ETV6: variants seen among roughly 807,000 people sequenced by gnomAD.
ETV6 encodes transcription factor ETV6.
In ETV6, 16 loss-of-function variants were observed where a neutral mutation model predicts 51.1. The ratio of observed to expected loss-of-function variants is 0.31; its 90% CI spans 0.21 to 0.48. The LOEUF (loss-of-function observed/expected upper bound fraction) is 0.48, where lower values mean the gene tolerates loss of function less well. ETV6 is among the 20% of genes least tolerant of loss of function. The pLI is 0.99. For synonymous variants in ETV6, 240 were observed against 224.1 expected (o/e 1.07, Z -0.64); for missense variants, 458 against 594.8 (o/e 0.77, Z 2.39).
intron 4 of ETV6, among the ~76,000 whole-genome samples, chr12:11,864,835 C>G (rs941842322): frequency 7.2e-5 from 11 of 152,230 alleles, no homozygotes; most frequent in African/African-American, 2.6e-4. Context: ...CACCATGTAC[C>G]CATCACCAGT....
At chr12:11,882,818 G>T (rs957775003) in intron 5 of ETV6, among the ~76,000 whole-genome samples, 2 of 152,342 alleles carry the variant, frequency 1.3e-5, no homozygotes, top group South Asian at 4.1e-4. Context: ...CAATGCGGAT[G>T]TGTTGGCTGT....
chr12:11,695,168 G>C (rs916524579), intron 1 of ETV6, among the ~76,000 whole-genome samples: 2 of 152,104 alleles, frequency 1.3e-5, no homozygotes, highest in African/African-American at 4.8e-5. Context: ...AAATTCATAT[G>C]ACCCCTTAGA....
intron 1 of ETV6, among the ~76,000 whole-genome samples, chr12:11,698,141 G>A (rs1230456625): frequency 6.6e-6 from 1 of 152,074 alleles, no homozygotes; most frequent in African/African-American, 2.4e-5. Flanking sequence ...TTAGTTTCCT[G>A]TCCTTCCCTG....
chr12:11,672,547 A>G (rs1864339559), intron 1 of ETV6, among the ~76,000 whole-genome samples: 1 of 152,236 alleles, frequency 6.6e-6, no homozygotes, highest in South Asian at 2.1e-4. Context: ...TGGCTGATAC[A>G]GTTGTCCTCC....
At chr12:11,658,193 C>T (rs74062347) in intron 1 of ETV6, among the ~76,000 whole-genome samples, 140 of 152,286 alleles carry the variant, frequency 9.2e-4, no homozygotes, top group African/African-American at 3.2e-3. Context: ...TGGTTCTGTG[C>T]CCACATTATA....
intron 1 of ETV6, among the ~76,000 whole-genome samples, chr12:11,727,980 T>A (rs1865521777): frequency 6.6e-6 from 1 of 152,028 alleles, no homozygotes; most frequent in South Asian, 2.1e-4. Context: ...CCACCACGCC[T>A]GGCTAATTTT....
At chr12:11,827,070 TCACACACA>T (rs55959869) in intron 2 of ETV6, among the ~76,000 whole-genome samples, 4,617 of 145,128 alleles carry the variant, frequency 0.032, 78 homozygotes, top group African/African-American at 0.048. Flanking sequence ...GAAGTCTGTC[TCACACACA>T]CACACACACA....
intron 2 of ETV6, among the ~76,000 whole-genome samples, chr12:11,791,856 G>A (rs901078919): frequency 4.6e-5 from 7 of 151,880 alleles, no homozygotes; most frequent in South Asian, 4.1e-4. Context: ...TCACCTGGTG[G>A]TCGTTTAAAA....
chr12:11,728,210 G>A (rs1565501263), intron 1 of ETV6, among the ~76,000 whole-genome samples: 1 of 152,206 alleles, frequency 6.6e-6, no homozygotes, highest in Non-Finnish European at 1.5e-5. Context: ...CTTCAAGCTG[G>A]CTGTTTATTC....
At chr12:11,784,975 A>G (rs941955989) in intron 2 of ETV6, among the ~76,000 whole-genome samples, 5 of 148,226 alleles carry the variant, frequency 3.4e-5, no homozygotes, top group African/African-American at 5.0e-5. Flanking sequence ...CCAAAATGCT[A>G]GGATTACAGG....
At chr12:11,656,163 GCT>G (rs1332884445) in intron 1 of ETV6, among the ~76,000 whole-genome samples, 1 of 152,066 alleles carries the variant, frequency 6.6e-6, no homozygotes, top group Non-Finnish European at 1.5e-5. Context: ...ACTCTTCACA[GCT>G]CTCTATGGAT....
At chr12:11,750,515 G>A (rs1055611163) in intron 1 of ETV6, among the ~76,000 whole-genome samples, 1 of 152,060 alleles carries the variant, frequency 6.6e-6, no homozygotes, top group Non-Finnish European at 1.5e-5. Context: ...TTTTTTTCTT[G>A]CACTCATGAA....
At chr12:11,724,897 G>A (rs923965728) in intron 1 of ETV6, among the ~76,000 whole-genome samples, 1 of 152,210 alleles carries the variant, frequency 6.6e-6, no homozygotes, top group Admixed American at 6.5e-5. Context: ...TCGCAACAGA[G>A]TTTCGGTTGT....
intron 2 of ETV6, among the ~76,000 whole-genome samples, chr12:11,790,574 G>C (rs554027921): frequency 6.6e-6 from 1 of 152,152 alleles, no homozygotes; most frequent in Non-Finnish European, 1.5e-5. Flanking sequence ...GGAGAAGAAG[G>C]GGTAGGGGGC....
chr12:11,884,829 TC>T (rs1409318007), intron 6 of ETV6, among the ~76,000 whole-genome samples: 1 of 152,168 alleles, frequency 6.6e-6, no homozygotes, highest in African/African-American at 2.4e-5. Context: ...CTGGGCTGCA[TC>T]ATGAGTGACT....
intron 1 of ETV6, among the ~76,000 whole-genome samples, chr12:11,684,506 G>C (rs965354948): frequency 1.3e-5 from 2 of 152,126 alleles, no homozygotes; most frequent in African/African-American, 4.8e-5. Flanking sequence ...CACATATTCA[G>C]AAGTGATGAG....
intron 5 of ETV6, among the ~76,000 whole-genome samples, chr12:11,883,811 A>T (rs1947143004): frequency 6.6e-6 from 1 of 152,194 alleles, no homozygotes; most frequent in African/African-American, 2.4e-5. Flanking sequence ...CCAAAATGTG[A>T]TAGAATGAGA....
chr12:11,795,535 A>T (rs1377553963), intron 2 of ETV6, among the ~76,000 whole-genome samples: 5 of 152,240 alleles, frequency 3.3e-5, no homozygotes, highest in Non-Finnish European at 5.9e-5. Flanking sequence ...CACTTTAATG[A>T]TTGATTTCCT....
chr12:11,651,076 G>C (rs1863897693), intron 1 of ETV6, among the ~76,000 whole-genome samples: 1 of 152,214 alleles, frequency 6.6e-6, no homozygotes, highest in African/African-American at 2.4e-5. Context: ...ACCATTGGGA[G>C]GCAGGATGAT....
Sources: allele counts gnomAD v4.1 joint callset (sites outside exome capture counted in the v4.1 genomes callset), GRCh38; gene constraint gnomAD v4.1.1; transcripts MANE v1.5; gene names NCBI Gene and HGNC (gene_info 2026-07-23, HGNC 2026-07-21).